The following JAK1 variants were observed in gnomAD, a reference collection of about 807,000 sequenced individuals.
JAK1 encodes Janus kinase 1.
Under a neutral mutation model 136.6 loss-of-function variants are expected in JAK1, and 16 were observed. That is an observed-to-expected ratio of 0.12 (90% CI 0.08 to 0.18). JAK1 has a LOEUF of 0.18. Among genes scored for constraint, JAK1 ranks in the 10% least tolerant of loss-of-function variants. The probability of loss-of-function intolerance (pLI) is 1.00; values close to 1 mark genes in which losing one functional copy is unlikely to be tolerated. For synonymous variants in JAK1, 492 were observed against 519.5 expected, an observed-to-expected ratio of 0.95 and a Z score of 0.72; for missense variants, 859 against 1,450.1, an observed-to-expected ratio of 0.59 and a Z score of 6.62.
chr1:64,842,013 T>C (rs1654935566), intron 17 of JAK1, among the ~76,000 whole-genome samples: 2 of 152,226 alleles, frequency 1.3e-5, no homozygotes, highest in South Asian at 4.1e-4. Flanking sequence ...GACAGAACAC[T>C]GGAAATTTGA....
chr1:64,885,082 A>T (rs1423317273), intron 2 of JAK1, among the ~76,000 whole-genome samples: 1 of 152,184 alleles, frequency 6.6e-6, no homozygotes, highest in East Asian at 1.9e-4. Flanking sequence ...GACATTAACC[A>T]GATATGCCTC....
At chr1:64,887,749 T>C (rs886171112) in intron 1 of JAK1, among the ~76,000 whole-genome samples, 1 of 152,142 alleles carries the variant, frequency 6.6e-6, no homozygotes, top group African/African-American at 2.4e-5. Context: ...TGGATGTCCA[T>C]GGAGGTGGGG....
At chr1:64,883,226 G>A (rs1452355179) in intron 3 of JAK1, 51 bp downstream of exon 3, 1 of 1,472,656 alleles carries the variant, frequency 6.8e-7, no homozygotes, top group East Asian at 2.3e-5. Flanking sequence ...CAGATCTTCT[G>A]AACTAGTGTG....
chr1:64,963,423 A>G (rs775680414), intron 1 of JAK1, among the ~76,000 whole-genome samples: 2 of 152,128 alleles, frequency 1.3e-5, no homozygotes, highest in Non-Finnish European at 2.9e-5. Flanking sequence ...TTATAGAGCT[A>G]AAAAGTACAT....
rs1644769909 is a variant in JAK1, at chr1:64,881,339, T to C, written c.205+1938A>G. On this transcript the variant is annotated intron_variant, in intron 3 of 24. Transcript: ENST00000342505. ...CTAATATCTAATGAGGTAAATACTA[T>C]TTTGACCATCTTGCAGACAAAGAAT... is the stretch of plus-strand genomic sequence containing the variant. Among the ~76,000 whole-genome samples, 3 of 148,854 alleles carry C rather than the reference T, an allele frequency of 2.0e-5. No individual in the cohort carries two copies. The Admixed American group carries it at 2.0e-4, about 10-fold the overall frequency.
chr1:64,909,130 G>C (rs1273561870), intron 1 of JAK1, among the ~76,000 whole-genome samples: 1 of 152,200 alleles, frequency 6.6e-6, no homozygotes, highest in South Asian at 2.1e-4. Context: ...TGGATGCAAC[G>C]TAAGGCATTC....
In JAK1 at chr1:65,032,992, G is replaced by A. The variant is rs187606462; in HGVS notation, c.-78+11488C>T. Among the ~76,000 whole-genome samples the A allele has an allele frequency of 1.4e-4, 21 of 152,306 alleles. No individual in the cohort carries two copies. The East Asian group carries it at 4.0e-3, about 29-fold the overall frequency. On this transcript the variant is annotated intron_variant, in intron 2 of 25. Transcript: ENST00000671954. The stretch of plus-strand genomic sequence containing the variant: ...AAATTTGGTGGCCAATGAGCTATTA[G>A]CGAGACTTCCAGAAAAAGTCTTTAA...
rs543840940 is a variant in JAK1, at chr1:65,013,756, T to TA, written c.-78+30723dup. 3.1e-4 allele frequency among the ~76,000 whole-genome samples: 47 copies of TA among 151,852 alleles called. 1 individual carries two copies. Among genetic ancestry groups the TA allele is most frequent in the Admixed American group, 1.2e-3 (19 of 15,236 alleles). ...TTTCAAGGTTAACAAGCAGTACTGG[T>TA]AAAAAAAACAACTAAGCATACATAA... On this transcript the variant is annotated intron_variant, in intron 2 of 25. Coordinates refer to the JAK1 transcript ENST00000671954.
chr1:64,887,543 A>G (rs1225257243), intron 1 of JAK1, among the ~76,000 whole-genome samples: 1 of 152,198 alleles, frequency 6.6e-6, no homozygotes, highest in Non-Finnish European at 1.5e-5. Flanking sequence ...AAGCTAATTC[A>G]AAGGACAAGG....
chr1:65,012,656 A>G (rs941604248), intron 2 of JAK1, among the ~76,000 whole-genome samples: 6 of 151,940 alleles, frequency 3.9e-5, no homozygotes, highest in African/African-American at 1.5e-4. Flanking sequence ...GCTAGGCATG[A>G]TGGTGTGCAC....
intron 1 of JAK1, among the ~76,000 whole-genome samples, chr1:64,935,872 T>C (rs1645780199): frequency 6.6e-6 from 1 of 152,072 alleles, no homozygotes; most frequent in Non-Finnish European, 1.5e-5. Flanking sequence ...TGGTGCACAA[T>C]AAATCCAGGA....
chr1:64,868,214 C>T (rs1656830603), intron 6 of JAK1, among the ~76,000 whole-genome samples: 1 of 152,090 alleles, frequency 6.6e-6, no homozygotes, highest in Non-Finnish European at 1.5e-5. Flanking sequence ...TGATATACTG[C>T]TAGAACGGGA....
At chr1:64,874,972 A>G (rs1233912062) in intron 4 of JAK1, among the ~76,000 whole-genome samples, 1 of 152,222 alleles carries the variant, frequency 6.6e-6, no homozygotes, top group East Asian at 1.9e-4. Context: ...ACGTATCACA[A>G]GCAGGACTAC....
chr1:64,840,252 G>A (rs764201494), intron 19 of JAK1, among the ~76,000 whole-genome samples: 4 of 152,150 alleles, frequency 2.6e-5, no homozygotes, highest in Admixed American at 6.5e-5. Flanking sequence ...TCCCCAAATC[G>A]GAGCTGGCTC....
intron 1 of JAK1, among the ~76,000 whole-genome samples, chr1:64,938,201 A>G (rs1028689490): frequency 6.6e-6 from 1 of 152,154 alleles, no homozygotes; most frequent in African/African-American, 2.4e-5. Context: ...TGAAAAAAAA[A>G]AGTTTTTTTT....
intron 1 of JAK1, among the ~76,000 whole-genome samples, chr1:64,887,278 G>A (rs576604486): frequency 6.6e-6 from 1 of 152,316 alleles, no homozygotes; most frequent in Non-Finnish European, 1.5e-5. Flanking sequence ...ATTTGATTGT[G>A]ATGACTTTGA....
intron 2 of JAK1, among the ~76,000 whole-genome samples, chr1:65,017,194 G>A (rs1646898209): frequency 1.3e-5 from 2 of 152,132 alleles, no homozygotes; most frequent in African/African-American, 4.8e-5. Context: ...GGCCAGGACT[G>A]GTGGCTCATA....
At chr1:64,889,162 A>G (rs1328171685) in intron 1 of JAK1, among the ~76,000 whole-genome samples, 2 of 152,244 alleles carry the variant, frequency 1.3e-5, no homozygotes, top group African/African-American at 4.8e-5. Flanking sequence ...AGATCAGTTT[A>G]TATTAATAAA....
At chr1:65,004,899 C>A (rs1048659644) in intron 2 of JAK1, among the ~76,000 whole-genome samples, 1 of 152,182 alleles carries the variant, frequency 6.6e-6, no homozygotes, top group Non-Finnish European at 1.5e-5. Context: ...CTTCACTACC[C>A]TTTATTTCTG....
Sources: allele counts gnomAD v4.1 joint callset (sites outside exome capture counted in the v4.1 genomes callset), GRCh38; gene constraint gnomAD v4.1.1; transcripts MANE v1.5; gene names NCBI Gene and HGNC (gene_info 2026-07-23, HGNC 2026-07-21).